Variants in ERC1 observed in about 807,000 individuals in gnomAD.
The protein encoded by ERC1 is ELKS/RAB6-interacting/CAST family member 1, also known as RAB6 interacting protein 2.
In ERC1, 56 loss-of-function variants were observed where a neutral mutation model predicts 132.0. That is an observed-to-expected ratio of 0.42 (90% CI 0.34 to 0.53). The LOEUF is 0.53. Ranked by LOEUF, ERC1 falls within the 20% of genes least tolerant of loss-of-function variation. ERC1 has a pLI of 0.03. For missense variants in ERC1, 1,202 were observed against 1,349.9 expected (o/e 0.89, Z 1.72); for synonymous variants, 478 against 476.1 (o/e 1.00, Z -0.05).
At chr12:1,464,800 G>A (rs1292756275) in intron 18 of ERC1, among the ~76,000 whole-genome samples, 4 of 152,056 alleles carry the variant, frequency 2.6e-5, no homozygotes, top group South Asian at 2.1e-4. Flanking sequence ...GATTACAGGC[G>A]TGAGCCACGG....
intron 1 of ERC1, among the ~76,000 whole-genome samples, chr12:996,158 G>A (rs1015339659): frequency 6.7e-6 from 1 of 148,422 alleles, no homozygotes. Context: ...GCGCAATCTC[G>A]GCTCACTGCA....
chr12:1,131,762 C>T (rs1948787940), intron 7 of ERC1, among the ~76,000 whole-genome samples: 1 of 152,182 alleles, frequency 6.6e-6, no homozygotes, highest in Non-Finnish European at 1.5e-5. Flanking sequence ...CCGCGCCCAG[C>T]CAGAATTAAT....
At position 1,433,853 on chromosome 12, in the gene ERC1, A is replaced by G. The variant is rs2092873766; in HGVS notation, c.3025-10709A>G. On this transcript the variant is annotated intron_variant, in intron 17 of 18. Transcript: ENST00000360905. ...GACTGGTTAAAGCATGAAGAGAGCT[A>G]TTGCTACTGTTAAAGTATGTGTCTG... 1.3e-5 allele frequency among the ~76,000 whole-genome samples: 2 copies of G among 151,888 alleles called. 1 individual carries two copies. The highest frequency in any genetic ancestry group is 4.2e-4 in the South Asian group (2 of 4,814).
At chr12:1,405,573 G>T (rs976379671) in intron 16 of ERC1, among the ~76,000 whole-genome samples, 2 of 151,900 alleles carry the variant, frequency 1.3e-5, no homozygotes, top group African/African-American at 4.8e-5. Flanking sequence ...CGTGGTGGCA[G>T]GCGCCTGTAA....
intron 12 of ERC1, among the ~76,000 whole-genome samples, chr12:1,212,552 TTTCTTAG>T (rs1302941863): frequency 6.6e-6 from 1 of 152,190 alleles, no homozygotes; most frequent in Non-Finnish European, 1.5e-5. Flanking sequence ...TGCAGGAATT[TTTCTTAG>T]TTCAGCTAAA....
At chr12:1,278,071 G>A (rs1387667747) in intron 14 of ERC1, among the ~76,000 whole-genome samples, 1 of 152,186 alleles carries the variant, frequency 6.6e-6, no homozygotes, top group East Asian at 1.9e-4. Context: ...GAGACTGCTG[G>A]AAATACGTCA....
At chr12:1,394,044 A>C (rs1017106020) in intron 16 of ERC1, among the ~76,000 whole-genome samples, 23 of 72,344 alleles carry the variant, frequency 3.2e-4, no homozygotes, top group South Asian at 1.3e-3. Context: ...CAAAAAAAAA[A>C]CCACAAAGCA....
intron 8 of ERC1, among the ~76,000 whole-genome samples, chr12:1,167,904 C>T (rs543419773): frequency 1.1e-4 from 16 of 151,726 alleles, no homozygotes; most frequent in South Asian, 4.2e-4. Flanking sequence ...TTACTGCAGA[C>T]GGGGTTTCAG....
chr12:995,190 G>A (rs541724543), intron 1 of ERC1, among the ~76,000 whole-genome samples: 1 of 152,200 alleles, frequency 6.6e-6, no homozygotes, highest in South Asian at 2.1e-4. Context: ...CTAGGGGTTC[G>A]AGGTTGCAGT....
chr12:1,123,776 C>A (rs1237204792), intron 7 of ERC1, among the ~76,000 whole-genome samples: 1 of 152,166 alleles, frequency 6.6e-6, no homozygotes, highest in Non-Finnish European at 1.5e-5. Flanking sequence ...GGGTGGATCA[C>A]CTGAGTTCAG....
chr12:1,097,000 C>T (rs1944118278), intron 3 of ERC1, among the ~76,000 whole-genome samples: 1 of 152,180 alleles, frequency 6.6e-6, no homozygotes, highest in Non-Finnish European at 1.5e-5. Context: ...AATATCATTC[C>T]TAGGTATCAT....
At chr12:1,360,386 G>A (rs1280119221) in intron 15 of ERC1, among the ~76,000 whole-genome samples, 1 of 152,144 alleles carries the variant, frequency 6.6e-6, no homozygotes, top group African/African-American at 2.4e-5. Flanking sequence ...AGTCATATAG[G>A]TGATTTTACA....
At position 1,493,157 on chromosome 12, in the gene ERC1, G is replaced by C. The variant is rs2154435472; in HGVS notation, c.*2927G>C. The C allele has an allele frequency of 9.6e-6, 2 of 207,928 alleles. No individual in the cohort carries two copies. Among genetic ancestry groups the C allele is most frequent in the Non-Finnish European group, 2.0e-5 (2 of 101,742 alleles). 12.9% of individuals were successfully genotyped at this position (207,928 alleles called of 1,614,324 possible). A position where few individuals can be genotyped will look rare whatever the true frequency, so the allele number is the denominator to read the frequency against. Reference sequence around the variant, plus strand: ...ATACCTCTAACCCCCGGTACTCATTGAATCATTGATGAGGTATCTCAATTG... The same window carrying C: ...ATACCTCTAACCCCCGGTACTCATTCAATCATTGATGAGGTATCTCAATTG... On this transcript the variant is annotated 3_prime_UTR_variant, in exon 19 of 19. Coordinates refer to ENST00000360905, the MANE Select transcript of ERC1 (RefSeq NM_178040.4).
intron 15 of ERC1, among the ~76,000 whole-genome samples, 182 bp downstream of exon 15, chr12:1,290,194 A>G (rs73029185): frequency 6.6e-6 from 1 of 152,144 alleles, no homozygotes; most frequent in Non-Finnish European, 1.5e-5. Context: ...TCAAATAGAA[A>G]TATTTTTGGT....
intron 3 of ERC1, among the ~76,000 whole-genome samples, chr12:1,100,789 C>T (rs1313152409): frequency 2.0e-5 from 3 of 151,958 alleles, no homozygotes; most frequent in East Asian, 1.9e-4. Context: ...AAGGTACATA[C>T]GAGTATGGAT....
At chr12:1,399,482 A>G (rs755098727) in intron 16 of ERC1, among the ~76,000 whole-genome samples, 1 of 152,168 alleles carries the variant, frequency 6.6e-6, no homozygotes. Flanking sequence ...CTTTTTATAT[A>G]TTAAATACAT....
At chr12:1,426,999 C>T (rs954733379) in intron 17 of ERC1, among the ~76,000 whole-genome samples, 1 of 152,080 alleles carries the variant, frequency 6.6e-6, no homozygotes, top group Non-Finnish European at 1.5e-5. Flanking sequence ...GTGCCTGGGA[C>T]ACTACAGGCA....
chr12:1,003,141 A>G (rs1192287091), intron 1 of ERC1, among the ~76,000 whole-genome samples: 2 of 151,496 alleles, frequency 1.3e-5, no homozygotes, highest in Non-Finnish European at 2.9e-5. Context: ...GAGAAAAGAA[A>G]TGTGTTAGGA....
intron 8 of ERC1, among the ~76,000 whole-genome samples, chr12:1,153,840 G>T (rs1951060376): frequency 6.6e-6 from 1 of 152,058 alleles, no homozygotes; most frequent in Non-Finnish European, 1.5e-5. Context: ...GCCTTCCCCT[G>T]GCCCTTTCCC....
Sources: gnomAD v4.1 joint callset for allele counts (sites outside exome capture counted in the v4.1 genomes callset) on GRCh38, gnomAD v4.1.1 for gene constraint, MANE v1.5 for transcripts, NCBI Gene and HGNC (gene_info 2026-07-23, HGNC 2026-07-21) for gene names.